AGAP1: variants seen among roughly 807,000 people sequenced by gnomAD.
AGAP1 encodes ArfGAP with GTPase domain, ankyrin repeat and PH domain 1, also known as arf-GAP with GTPase, ANK repeat and PH domain-containing protein 1.
In AGAP1, 29 loss-of-function variants were observed where a neutral mutation model predicts 105.3. That is an observed-to-expected ratio of 0.28 (90% CI 0.21 to 0.38). The LOEUF is 0.38. AGAP1 is among the 10% of genes least tolerant of loss of function. AGAP1 has a pLI of 1.00. For synonymous variants in AGAP1, 509 were observed against 485.9 expected, an observed-to-expected ratio of 1.05 and a Z score of -0.63; for missense variants, 998 against 1,165.1, an observed-to-expected ratio of 0.86 and a Z score of 2.09.
rs13403732 is a variant in AGAP1, at chr2:235,992,836, A to C, written c.1645+24213A>C. On this transcript the variant is annotated intron_variant, in intron 13 of 17. Transcript: ENST00000304032. This position sits in a 1 kb window ranked among gnomAD's most constrained non-coding sequence, Gnocchi z 4.8. ...CCAGCCGTTTCCACGCACAGGCTGC[A>C]CATTGTTTCATGGCCTTTGCAGTTG... Among the ~76,000 whole-genome samples, 1 of 152,136 alleles carries C rather than the reference A, an allele frequency of 6.6e-6. No homozygotes were observed. Among genetic ancestry groups the C allele is most frequent in the Non-Finnish European group, 1.5e-5 (1 of 68,024 alleles).
At position 235,691,377 on chromosome 2, in the gene AGAP1, T is replaced by C. The variant is rs1465426898; in HGVS notation, c.164-17802T>C. Among the ~76,000 whole-genome samples the C allele has an allele frequency of 1.3e-5, 2 of 152,374 alleles. No homozygotes were observed. Among genetic ancestry groups the C allele is most frequent in the East Asian group, 3.9e-4 (2 of 5,188 alleles). On this transcript the variant is annotated intron_variant, in intron 1 of 17. Transcript: ENST00000304032. The surrounding 1 kb of genome is among the most constrained non-coding windows in gnomAD (Gnocchi z 4.4). ...GCCAATGGTTGCCAGTGCCTTACTT[T>C]TGGAGACAGGAATTGTTACACGTCT...
chr2:235,935,405 T>C (rs924545880), intron 12 of AGAP1, among the ~76,000 whole-genome samples: 2 of 152,192 alleles, frequency 1.3e-5, no homozygotes, highest in Non-Finnish European at 2.9e-5. Context: ...CATGAAAAAT[T>C]AATTTTTTTA....
Position 235,769,914 on chromosome 2 carries a change from C to T in AGAP1, c.673+19426C>T, listed in dbSNP as rs1402293047. 6.6e-6 allele frequency among the ~76,000 whole-genome samples: 1 copy of T among 152,158 alleles called. No individual in the cohort carries two copies. The highest frequency in any genetic ancestry group is 1.9e-4 in the East Asian group (1 of 5,190). On this transcript the variant is annotated intron_variant, in intron 6 of 17. Coordinates refer to ENST00000304032, the MANE Select transcript of AGAP1 (RefSeq NM_001037131.3). The surrounding 1 kb of genome is among the most constrained non-coding windows in gnomAD (Gnocchi z 4.4). Reference sequence around the variant, plus strand: ...TTTGGTTTTCCAGAGTTACACTTCACATGTATTTCTATTAAGATACACACT... The same window carrying T: ...TTTGGTTTTCCAGAGTTACACTTCATATGTATTTCTATTAAGATACACACT...
chr2:235,893,985 C>T lies in AGAP1; in HGVS notation c.1155+10536C>T, dbSNP rs1268648514. Among the ~76,000 whole-genome samples the T allele has an allele frequency of 2.0e-5, 3 of 152,172 alleles. No individual in the cohort carries two copies. Among genetic ancestry groups the T allele is most frequent in the Non-Finnish European group, 2.9e-5 (2 of 68,026 alleles). ...AGGGTTGGGTGAACACACACACACA[C>T]ACGTAATCACTGCCTCACGTGGCAT... On this transcript the variant is annotated intron_variant, in intron 10 of 17. Transcript: ENST00000304032. This position sits in a 1 kb window ranked among gnomAD's most constrained non-coding sequence, Gnocchi z 4.7.
In AGAP1 at chr2:236,120,304, G is replaced by A. The variant is rs751374821; in HGVS notation, c.2227G>A (p.Glu743Lys). The change falls in exon 17 of 18, where the codon GAG becomes AAG. Residue 743 changes from glutamate (E) to lysine (K), a missense_variant. This residue lies in a region of AGAP1 where 235 missense variants were observed against 270.7 expected (regional missense o/e 0.87). Transcript: ENST00000304032. The surrounding 1 kb of genome is among the most constrained non-coding windows in gnomAD (Gnocchi z 6.0). Reference sequence around the variant, plus strand: ...GCACCTGCTGCGGGCCACCGCCGACGAGGACCTGCGGACGGCCATCCTGCT... The same window carrying A: ...GCACCTGCTGCGGGCCACCGCCGACAAGGACCTGCGGACGGCCATCCTGCT... ...GQHLLRATAD[E>K]DLRTAILLLA... is the part of the protein sequence containing the mutation. 19 of 1,612,696 alleles carry A rather than the reference G, an allele frequency of 1.2e-5. No individual in the cohort carries two copies. The highest frequency in any genetic ancestry group is 1.7e-5 in the Admixed American group (1 of 59,954).
rs923792477 is a variant in AGAP1 at position 235,553,092 on chromosome 2, T to A, written c.163+58243T>A. ...CTGCAAGTAGCATTAATACTATAAC[T>A]GAATATACAGTCAGCTACTCACCAC... On this transcript the variant is annotated intron_variant, in intron 1 of 17. Coordinates refer to ENST00000304032, the MANE Select transcript of AGAP1 (RefSeq NM_001037131.3). This position sits in a 1 kb window ranked among gnomAD's most constrained non-coding sequence, Gnocchi z 4.5. Among the ~76,000 whole-genome samples the A allele has an allele frequency of 6.6e-6, 1 of 152,140 alleles. No homozygotes were observed. The highest frequency in any genetic ancestry group is 1.5e-5 in the Non-Finnish European group (1 of 68,042).
At chr2:235,947,398 A>G (rs943497207) in intron 12 of AGAP1, among the ~76,000 whole-genome samples, 8 of 152,184 alleles carry the variant, frequency 5.3e-5, no homozygotes, top group Non-Finnish European at 7.3e-5. Context: ...TGTAAATGCC[A>G]TTATTTTGTT....
chr2:236,079,711 G>A (rs1347224093), intron 16 of AGAP1, among the ~76,000 whole-genome samples: 1 of 152,130 alleles, frequency 6.6e-6, no homozygotes, highest in Non-Finnish European at 1.5e-5. Context: ...CTGAGACTGA[G>A]TGGCCCTGAC....
At chr2:235,849,637 C>T (rs889784123) in intron 9 of AGAP1, among the ~76,000 whole-genome samples, 5 of 129,994 alleles carry the variant, frequency 3.8e-5, no homozygotes, top group African/African-American at 1.3e-4. Flanking sequence ...CTCCATGCTG[C>T]GGGGATGCTA....
intron 1 of AGAP1, among the ~76,000 whole-genome samples, chr2:235,679,411 A>G (rs931779205): frequency 3.9e-5 from 6 of 152,238 alleles, no homozygotes; most frequent in Non-Finnish European, 8.8e-5. Flanking sequence ...AGCTCCAAGT[A>G]TAAGCCAACC....
intron 1 of AGAP1, among the ~76,000 whole-genome samples, chr2:235,651,268 G>T (rs12473883): frequency 0.48 from 71,215 of 149,002 alleles, 17,831 homozygotes; most frequent in East Asian, 0.86. Context: ...GGTGGACAAG[G>T]TGGGGAACGA....
Position 236,129,303 on chromosome 2 carries a change from A to G in AGAP1, c.*5181A>G, listed in dbSNP as rs2060051820. 6.6e-6 allele frequency: 1 copy of G among 152,308 alleles called. No homozygotes were observed. The highest frequency in any genetic ancestry group is 1.5e-5 in the Non-Finnish European group (1 of 68,108). The allele number at this position is 152,308 out of a possible 1,614,324, so 9.4% of individuals were successfully genotyped here. On this transcript the variant is annotated 3_prime_UTR_variant, in exon 18 of 18. Transcript: ENST00000304032. This position sits in a 1 kb window ranked among gnomAD's most constrained non-coding sequence, Gnocchi z 6.2. ...CCTGCCCAGTGGACAGATCTGCCCC[A>G]GCCCTGCTGTGGGGACGGGCCCTCT...
At position 235,716,708 on chromosome 2, in the gene AGAP1, G is replaced by C. The variant is rs541932957; in HGVS notation, c.223-849G>C. ...CTTCCCAGAGAAGGCGGCATGGGGG[G>C]TATCCAGCTCCCAAGCACAGGGAAA... is the stretch of plus-strand genomic sequence containing the variant. On this transcript the variant is annotated intron_variant, in intron 2 of 17. Coordinates refer to ENST00000304032, the MANE Select transcript of AGAP1 (RefSeq NM_001037131.3). The surrounding 1 kb of genome is among the most constrained non-coding windows in gnomAD (Gnocchi z 4.0). 7.9e-5 allele frequency among the ~76,000 whole-genome samples: 12 copies of C among 152,092 alleles called. No homozygotes were observed. Among genetic ancestry groups the C allele is most frequent in the African/African-American group, 2.7e-4 (11 of 41,408 alleles).
chr2:235,604,998 A>G (rs1945879330), intron 1 of AGAP1, among the ~76,000 whole-genome samples: 1 of 151,836 alleles, frequency 6.6e-6, no homozygotes, highest in South Asian at 2.1e-4. Context: ...CTCGTGCCTC[A>G]GCCTCCCAAG....
At position 235,988,808 on chromosome 2, in the gene AGAP1, A is replaced by G. The variant is rs2055431518; in HGVS notation, c.1645+20185A>G. ...TGCACCCACCCTTTTTTCTGTGGTC[A>G]GCATGTGTTTCCCAGACTGGGCGTC... On this transcript the variant is annotated intron_variant, in intron 13 of 17. Transcript: ENST00000304032. The surrounding 1 kb of genome is among the most constrained non-coding windows in gnomAD (Gnocchi z 4.7). Among the ~76,000 whole-genome samples the G allele has an allele frequency of 6.6e-6, 1 of 152,106 alleles. No individual in the cohort carries two copies. The highest frequency in any genetic ancestry group is 1.5e-5 in the Non-Finnish European group (1 of 68,018).
At chr2:235,617,634 G>A (rs892640123) in intron 1 of AGAP1, among the ~76,000 whole-genome samples, 6 of 152,224 alleles carry the variant, frequency 3.9e-5, no homozygotes, top group East Asian at 1.9e-4. Flanking sequence ...CCTGGGAGGC[G>A]GAGGTTGCAG....
intron 6 of AGAP1, among the ~76,000 whole-genome samples, chr2:235,770,263 G>T (rs1268556588): frequency 2.6e-5 from 4 of 150,952 alleles, no homozygotes; most frequent in Non-Finnish European, 5.9e-5. Flanking sequence ...CTCCCCAGTA[G>T]CTGGGACTAC....
intron 9 of AGAP1, among the ~76,000 whole-genome samples, chr2:235,876,336 C>CCTTA (rs1028511971): frequency 4.6e-5 from 7 of 152,032 alleles, no homozygotes; most frequent in African/African-American, 1.4e-4. Flanking sequence ...TTGTGCTGAC[C>CCTTA]CTTAGATGAT....
chr2:235,730,324 T>C (rs965253875), intron 3 of AGAP1, among the ~76,000 whole-genome samples: 6 of 152,088 alleles, frequency 3.9e-5, no homozygotes, highest in Non-Finnish European at 7.4e-5. Context: ...CTGTCCCACT[T>C]GCTTCCTGCC....
Sources: gnomAD v4.1 joint callset for allele counts (sites outside exome capture counted in the v4.1 genomes callset) on GRCh38, gnomAD v4.1.1 for gene constraint, gnomAD v4.1.1 regional missense constraint, Gnocchi (gnomAD v3.1) non-coding constraint, MANE v1.5 for transcripts, NCBI Gene and HGNC (gene_info 2026-07-23, HGNC 2026-07-21) for gene names.